Variants in TOP3B observed in about 807,000 individuals in gnomAD.
TOP3B encodes DNA topoisomerase III beta.
In TOP3B, 45 loss-of-function variants were observed where a neutral mutation model predicts 93.9. That is an observed-to-expected ratio of 0.48 (90% CI 0.38 to 0.61). TOP3B has a LOEUF of 0.61. Among genes scored for constraint, TOP3B ranks in the 20% least tolerant of loss-of-function variants. The probability of loss-of-function intolerance (pLI) is 0.00; values close to 1 mark genes in which losing one functional copy is unlikely to be tolerated. For missense variants in TOP3B, 750 were observed against 1,156.1 expected, an observed-to-expected ratio of 0.65 and a Z score of 5.09; for synonymous variants, 357 against 472.6, an observed-to-expected ratio of 0.76 and a Z score of 3.17.
intron 9 of TOP3B, chr22:21,964,521 C>G (rs537027779): frequency 2.9e-4 from 175 of 608,458 alleles, no homozygotes; most frequent in African/African-American, 2.3e-3. Flanking sequence ...ATCCCGCACC[C>G]GTAAGGCTGA....
intron 15 of TOP3B, 103 bp from the exon 16 acceptor site, chr22:21,959,335 G>C: frequency 6.4e-7 from 1 of 1,552,710 alleles, no homozygotes; most frequent in Non-Finnish European, 8.7e-7. Context: ...CCCTATAGGC[G>C]GTGGTTTCTA....
intron 17 of TOP3B, 118 bp downstream of exon 17, chr22:21,958,374 G>A (rs1251479819): frequency 1.9e-6 from 3 of 1,552,798 alleles, no homozygotes; most frequent in Non-Finnish European, 2.6e-6. Flanking sequence ...CAGTGCCAAT[G>A]AGTGCAGGAA....
intron 7 of TOP3B, chr22:21,968,154 C>T (rs745573214): frequency 1.7e-4 from 39 of 233,954 alleles, no homozygotes; most frequent in South Asian, 2.8e-4. Flanking sequence ...CCTTGGACTC[C>T]TGGCCTCAAG....
chr22:21,971,871 A>T lies in TOP3B; in HGVS notation c.384+6T>A. 1 of 1,613,870 alleles carries T rather than the reference A, an allele frequency of 6.2e-7. No homozygotes were observed. Among genetic ancestry groups the T allele is most frequent in the Non-Finnish European group, 8.5e-7 (1 of 1,179,834 alleles). ...AAGTGAGGAACAAAGTGAGCCTCAC[A>T]CTCACCTCAAAGCAGATGTTCTCCC... On this transcript the variant is annotated splice_donor_region_variant and intron_variant, in intron 5 of 17. Coordinates refer to ENST00000357179, the MANE Select transcript of TOP3B (RefSeq NM_001282112.2). The surrounding 1 kb of genome is among the most constrained non-coding windows in gnomAD (Gnocchi z 4.6).
chr22:21,967,752 A>G, intron 7 of TOP3B, 36 bp from the exon 8 acceptor site: 1 of 1,565,484 alleles, frequency 6.4e-7, no homozygotes, highest in Non-Finnish European at 8.8e-7. Context: ...ACGCACAAGA[A>G]AAAGTCTCCA....
At position 21,970,010 on chromosome 22, in the gene TOP3B, T is replaced by A; in HGVS notation, c.581+200A>T. ...GTCTCAAACTGCCAACCTCAAGCAATCCTCCTATCCTGGTCTCCCAAAGTG... is the reference window on the plus strand; with the variant it reads ...GTCTCAAACTGCCAACCTCAAGCAAACCTCCTATCCTGGTCTCCCAAAGTG... On this transcript the variant is annotated intron_variant, in intron 6 of 17. Transcript: ENST00000357179. This position sits in a 1 kb window ranked among gnomAD's most constrained non-coding sequence, Gnocchi z 4.4. 1 of 468,304 alleles carries A rather than the reference T, an allele frequency of 2.1e-6. No homozygotes were observed. The highest frequency in any genetic ancestry group is 3.8e-6 in the Non-Finnish European group (1 of 264,522). The allele number at this position is 468,304 out of a possible 1,614,324, so 29.0% of individuals were successfully genotyped here. A position where few individuals can be genotyped will look rare whatever the true frequency, so the allele number is the denominator to read the frequency against.
In TOP3B at chr22:21,959,467, C is replaced by T. The variant is rs557627149; in HGVS notation, c.1804+120G>A. ...CAGGAGGTGTCACTGACCTGGCCTA[C>T]GGAGGCCTGAAGCCCAGATCTGGGA... On this transcript the variant is annotated intron_variant, in intron 15 of 17. Coordinates refer to ENST00000357179, the MANE Select transcript of TOP3B (RefSeq NM_001282112.2). The T allele has an allele frequency of 1.7e-5, 25 of 1,512,964 alleles. No individual in the cohort carries two copies. In the Admixed American group the frequency reaches 2.0e-4, roughly 12 times the overall value. 93.7% of individuals were successfully genotyped at this position (1,512,964 alleles called of 1,614,324 possible).
chr22:21,963,854 G>T lies in TOP3B; in HGVS notation c.1204+69C>A. ...AGCCCCCACATTGCCAACAGGGCCT[G>T]CAACCTTCACTGTCGCAGCTCGCCC... On this transcript the variant is annotated intron_variant, in intron 11 of 17. Coordinates refer to ENST00000357179, the MANE Select transcript of TOP3B (RefSeq NM_001282112.2). The surrounding 1 kb of genome is among the most constrained non-coding windows in gnomAD (Gnocchi z 4.8). 1.3e-6 allele frequency: 2 copies of T among 1,545,580 alleles called. No homozygotes were observed. Among genetic ancestry groups the T allele is most frequent in the Non-Finnish European group, 1.8e-6 (2 of 1,125,244 alleles).
In TOP3B at chr22:21,975,748, G is replaced by A; in HGVS notation, c.-39C>T. ...TTCACACTCCAGTTTCGGGGCACTG[G>A]CAATGAAAAAGTTTAGACTCCACTC... On this transcript the variant is annotated 5_prime_UTR_variant, in exon 2 of 18. Transcript: ENST00000357179. The A allele has an allele frequency of 6.3e-7, 1 of 1,585,146 alleles. No homozygotes were observed. The highest frequency in any genetic ancestry group is 1.1e-5 in the South Asian group (1 of 89,436).
intron 4 of TOP3B, 150 bp downstream of exon 4, chr22:21,972,462 C>T (rs2071678621): frequency 6.6e-6 from 4 of 604,882 alleles, no homozygotes; most frequent in African/African-American, 1.9e-5. Context: ...GCAGGTGCCT[C>T]GTGGGCCAGC....
At chr22:21,960,005 G>A (rs1479376236) in intron 14 of TOP3B, 11 of 614,958 alleles carry the variant, frequency 1.8e-5, no homozygotes, top group Middle Eastern at 4.4e-4. Flanking sequence ...GCTCCAGGCC[G>A]CCCTTGGGCC....
rs1457712584 is a variant in TOP3B, at chr22:21,971,635, TA to T, written c.384+241del. Reference sequence around the variant, plus strand: ...TCCACCCAGACAATTTGGCCCCTCCTATGTTCACTCATACCGTTGAGGCCTC... The same window carrying T: ...TCCACCCAGACAATTTGGCCCCTCCTTGTTCACTCATACCGTTGAGGCCTC... On this transcript the variant is annotated intron_variant, in intron 5 of 17. Transcript: ENST00000357179. This position sits in a 1 kb window ranked among gnomAD's most constrained non-coding sequence, Gnocchi z 4.6. 2.9e-5 allele frequency: 16 copies of T among 551,316 alleles called. No individual in the cohort carries two copies. Among genetic ancestry groups the T allele is most frequent in the Non-Finnish European group, 5.3e-5 (16 of 301,260 alleles). 34.2% of individuals were successfully genotyped at this position (551,316 alleles called of 1,614,324 possible). A position where few individuals can be genotyped will look rare whatever the true frequency, so the allele number is the denominator to read the frequency against.
Position 21,968,691 on chromosome 22 carries a change from C to T in TOP3B, c.666G>A (p.Leu222=), listed in dbSNP as rs751507447. The T allele has an allele frequency of 6.2e-7, 1 of 1,614,170 alleles. No individual in the cohort carries two copies. Among genetic ancestry groups the T allele is most frequent in the Non-Finnish European group, 8.5e-7 (1 of 1,180,034 alleles). ...ISFGPCQTPT[L]GFCVERHDKI... ...TATCATGTCTCTCCACACAGAATCC[C>T]AGGGTTGGAGTCTGACACGGCCCAA... The change falls in exon 7 of 18, where the codon CTG becomes CTA. Residue 222 remains leucine (L), a synonymous_variant. Transcript: ENST00000357179.
In TOP3B at chr22:21,964,243, G is replaced by A; in HGVS notation, c.1016C>T (p.Thr339Ile). Reference protein sequence around the residue: ...YTQGYISYPRTETTHYPENFD... With the variant: ...YTQGYISYPRIETTHYPENFD... ...GTTCTCAGGGTAGTGGGTGGTCTCTGTCCGTGGGTAGCTGATGTAGCCTTG... is the reference window on the plus strand; with the variant it reads ...GTTCTCAGGGTAGTGGGTGGTCTCTATCCGTGGGTAGCTGATGTAGCCTTG... Residue 339 changes from threonine to isoleucine, a missense_variant, in exon 10 of 18, where the codon ACA (threonine) becomes ATA (isoleucine). This residue lies in a region of TOP3B where 737 missense variants were observed against 933.7 expected (regional missense o/e 0.79). Transcript: ENST00000357179. 6.2e-7 allele frequency: 1 copy of A among 1,614,186 alleles called. No individual in the cohort carries two copies. The highest frequency in any genetic ancestry group is 8.5e-7 in the Non-Finnish European group (1 of 1,180,028).
At position 21,962,439 on chromosome 22, in the gene TOP3B, C is replaced by T; in HGVS notation, c.1515G>A (p.Lys505=). Residue 505 remains lysine, a synonymous_variant, in exon 13 of 18, where the codon AAG becomes AAA. Transcript: ENST00000357179. ...GGCAGGCGCACCCACCGATGCCATG[C>T]TTCTCCATGAGCGTGATGAGCTCGG... The part of the protein sequence containing the change: ...TEAELITLME[K]HGIGTDASIP... The T allele has an allele frequency of 3.7e-6, 6 of 1,613,632 alleles. No individual in the cohort carries two copies. The highest frequency in any genetic ancestry group is 1.3e-5 in the African/African-American group (1 of 75,066).
chr22:21,965,189 C>A, intron 9 of TOP3B, 96 bp downstream of exon 9: 1 of 814,928 alleles, frequency 1.2e-6, no homozygotes, highest in South Asian at 2.1e-5. Context: ...CCCTTGAAGC[C>A]TTGGGCACCA....
Position 21,970,243 on chromosome 22 carries a change from TCCTGGC to T in TOP3B, c.542_547del (p.Arg181_Glu183delinsGln). 2 of 1,613,404 alleles carry T rather than the reference TCCTGGC, an allele frequency of 1.2e-6. No individual in the cohort carries two copies. The highest frequency in any genetic ancestry group is 8.5e-7 in the Non-Finnish European group (1 of 1,180,020). ...TGCACAGCCGATTCGCAGGTCCAGC[TCCTGGC>T]GAGCATCCACTGAGAGCGCCTCGTT... On this transcript the variant is annotated inframe_deletion, in exon 6 of 18. Transcript: ENST00000357179. This position sits in a 1 kb window ranked among gnomAD's most constrained non-coding sequence, Gnocchi z 4.4.
chr22:21,975,439 G>A (rs1199011175), intron 2 of TOP3B: 4 of 521,056 alleles, frequency 7.7e-6, no homozygotes, highest in Admixed American at 7.0e-5. Flanking sequence ...TGTGCCTTGT[G>A]CCTTATGGGA....
In TOP3B at chr22:21,971,077, C is replaced by T; in HGVS notation, c.385-671G>A. ...GGCTTCATTTCTGAAGGGAGAAAGC[C>T]CCATGAGCTGCCCCCATTCTCCATT... is the stretch of plus-strand genomic sequence containing the variant. On this transcript the variant is annotated intron_variant, in intron 5 of 17. Transcript: ENST00000357179. This position sits in a 1 kb window ranked among gnomAD's most constrained non-coding sequence, Gnocchi z 4.6. 14 of 1,302,044 alleles carry T rather than the reference C, an allele frequency of 1.1e-5. No individual in the cohort carries two copies. Among genetic ancestry groups the T allele is most frequent in the Non-Finnish European group, 1.4e-5 (14 of 987,410 alleles). The allele number at this position is 1,302,044 out of a possible 1,614,324, so 80.7% of individuals were successfully genotyped here. A position where few individuals can be genotyped will look rare whatever the true frequency, so the allele number is the denominator to read the frequency against.
Sources: allele counts gnomAD v4.1 joint callset, GRCh38; gene constraint gnomAD v4.1.1; regional missense constraint gnomAD v4.1.1; non-coding constraint Gnocchi (gnomAD v3.1); transcripts MANE v1.5; gene names NCBI Gene and HGNC (gene_info 2026-07-23, HGNC 2026-07-21).